Variants in CARS1 observed in about 807,000 individuals in gnomAD.
The protein encoded by CARS1 is cysteine--tRNA ligase, cytoplasmic.
In CARS1, 48 loss-of-function variants were observed where a neutral mutation model predicts 106.2. That is an observed-to-expected ratio of 0.45 (90% CI 0.36 to 0.57). The LOEUF (loss-of-function observed/expected upper bound fraction) is 0.57, where lower values mean the gene tolerates loss of function less well. Among genes scored for constraint, CARS1 ranks in the 20% least tolerant of loss-of-function variants. CARS1 has a pLI of 0.00. For missense variants in CARS1, 968 were observed against 1,057.2 expected (o/e 0.92, Z 1.17); for synonymous variants, 409 against 403.4 (o/e 1.01, Z -0.17).
rs941886463 is a variant in CARS1, at chr11:3,032,888, T to C, written c.802-3445A>G. On this transcript the variant is annotated intron_variant, in intron 7 of 22. Transcript: ENST00000380525. The stretch of plus-strand genomic sequence containing the variant: ...ACAATCCTGAGAGTGAACCCTAAAG[T>C]AAACCACGGACTCAGGGTAATGACG... Among the ~76,000 whole-genome samples the C allele has an allele frequency of 2.0e-5, 3 of 151,028 alleles. No individual in the cohort carries two copies. The Admixed American group carries it at 2.0e-4, about 10-fold the overall frequency.
Position 3,039,096 on chromosome 11 carries a change from C to T in CARS1, c.651+98G>A. On this transcript the variant is annotated intron_variant, in intron 6 of 22. Transcript: ENST00000380525. This position sits in a 1 kb window ranked among gnomAD's most constrained non-coding sequence, Gnocchi z 5.6. ...TTGAGTAACATACACTTTGTGAAAGCCTGTGAGACTGACACTACCCTAGGG... is the reference window on the plus strand; with the variant it reads ...TTGAGTAACATACACTTTGTGAAAGTCTGTGAGACTGACACTACCCTAGGG... 1 of 753,684 alleles carries T rather than the reference C, an allele frequency of 1.3e-6. No individual in the cohort carries two copies. Among genetic ancestry groups the T allele is most frequent in the Non-Finnish European group, 2.3e-6 (1 of 442,306 alleles). 46.7% of individuals were successfully genotyped at this position (753,684 alleles called of 1,614,324 possible).
In CARS1 at chr11:3,040,471, G is replaced by A. The variant is rs1483207426; in HGVS notation, c.455+425C>T. 2.2e-6 allele frequency: 1 copy of A among 463,724 alleles called. No individual in the cohort carries two copies. The highest frequency in any genetic ancestry group is 4.3e-6 in the Non-Finnish European group (1 of 233,820). 28.7% of individuals were successfully genotyped at this position (463,724 alleles called of 1,614,324 possible). A position where few individuals can be genotyped will look rare whatever the true frequency, so the allele number is the denominator to read the frequency against. On this transcript the variant is annotated intron_variant, in intron 4 of 22. Coordinates refer to ENST00000380525, the MANE Select transcript of CARS1 (RefSeq NM_001014437.3). This position sits in a 1 kb window ranked among gnomAD's most constrained non-coding sequence, Gnocchi z 5.8. The stretch of plus-strand genomic sequence containing the variant: ...ACCCCAACAGCCAGCTACTCGTCAG[G>A]AGCTACAGCCATGACCATCCAGTGG...
At position 3,017,303 on chromosome 11, in the gene CARS1, A is replaced by G. The variant is rs761457584; in HGVS notation, c.1728-8T>C. 1 of 1,609,872 alleles carries G rather than the reference A, an allele frequency of 6.2e-7. No individual in the cohort carries two copies. Among genetic ancestry groups the G allele is most frequent in the Non-Finnish European group, 8.5e-7 (1 of 1,176,408 alleles). ...GTCTTCTTGTCATAAAAGCTGAGCA[A>G]CAAAGAGGAAGGAATGTGAAGTCAG... is the stretch of plus-strand genomic sequence containing the variant. On this transcript the variant is annotated splice_polypyrimidine_tract_variant and splice_region_variant and intron_variant, in intron 15 of 22. Transcript: ENST00000380525. The surrounding 1 kb of genome is among the most constrained non-coding windows in gnomAD (Gnocchi z 4.9).
At chr11:3,025,833 G>A (rs1852011649) in intron 10 of CARS1, among the ~76,000 whole-genome samples, 2 of 152,158 alleles carry the variant, frequency 1.3e-5, no homozygotes, top group East Asian at 1.9e-4. Flanking sequence ...CCAGATGGGC[G>A]CACAGGCTGT....
chr11:3,013,262 C>T (rs745996373), intron 17 of CARS1, among the ~76,000 whole-genome samples: 2 of 152,082 alleles, frequency 1.3e-5, no homozygotes, highest in African/African-American at 2.4e-5. Context: ...AAGCGATTCT[C>T]CTGCCTCAGC....
rs1851423157 is a variant in CARS1, at chr11:3,019,997, A to C, written c.1266+223T>G. ...CTGATCACATCTCCACTTACAGACC[A>C]GAAAACAGAAATCCCAGGAGGGAAG... is the stretch of plus-strand genomic sequence containing the variant. On this transcript the variant is annotated intron_variant, in intron 11 of 22. Coordinates refer to ENST00000380525, the MANE Select transcript of CARS1 (RefSeq NM_001014437.3). This position sits in a 1 kb window ranked among gnomAD's most constrained non-coding sequence, Gnocchi z 6.2. Among the ~76,000 whole-genome samples, 1 of 152,226 alleles carries C rather than the reference A, an allele frequency of 6.6e-6. No individual in the cohort carries two copies. Among genetic ancestry groups the C allele is most frequent in the Admixed American group, 6.5e-5 (1 of 15,292 alleles).
Position 3,020,140 on chromosome 11 carries a change from G to A in CARS1, c.1266+80C>T. 2 of 858,000 alleles carry A rather than the reference G, an allele frequency of 2.3e-6. No homozygotes were observed. Among genetic ancestry groups the A allele is most frequent in the African/African-American group, 1.6e-5 (1 of 60,708 alleles). 53.1% of individuals were successfully genotyped at this position (858,000 alleles called of 1,614,324 possible). On this transcript the variant is annotated intron_variant, in intron 11 of 22. Coordinates refer to ENST00000380525, the MANE Select transcript of CARS1 (RefSeq NM_001014437.3). The surrounding 1 kb of genome is among the most constrained non-coding windows in gnomAD (Gnocchi z 4.6). ...GACAACATCCTTCACACACAGAGCGGCCCTCTGCTGGGGGCCTGAGAGTGT... is the reference window on the plus strand; with the variant it reads ...GACAACATCCTTCACACACAGAGCGACCCTCTGCTGGGGGCCTGAGAGTGT...
intron 10 of CARS1, among the ~76,000 whole-genome samples, 168 bp downstream of exon 10, chr11:3,026,508 G>A (rs575900388): frequency 6.6e-6 from 1 of 152,274 alleles, no homozygotes; most frequent in Non-Finnish European, 1.5e-5. Context: ...TCTTAGAGCT[G>A]CACAATGTTG....
intron 19 of CARS1, among the ~76,000 whole-genome samples, chr11:3,005,810 C>T (rs767342376): frequency 6.6e-6 from 1 of 152,076 alleles, no homozygotes; most frequent in Non-Finnish European, 1.5e-5. Flanking sequence ...CGGGGTTTCA[C>T]CATGTTGCCT....
rs1853921514 is a variant in CARS1, at chr11:3,038,110, C to T, written c.741G>A (p.Glu247=). The change falls in exon 7 of 23, where the codon GAG becomes GAA. Residue 247 remains glutamate, a synonymous_variant. Coordinates refer to ENST00000380525, the MANE Select transcript of CARS1 (RefSeq NM_001014437.3). This position sits in a 1 kb window ranked among gnomAD's most constrained non-coding sequence, Gnocchi z 4.0. ...RIQHAVQLAT[E]PLEKAVQSRL... ...TGGACTGCACAGCTTTCTCAAGTGG[C>T]TCTGTGGCAAGCTGCACTGCGTGCT... The T allele has an allele frequency of 1.2e-6, 2 of 1,614,082 alleles. No homozygotes were observed. The highest frequency in any genetic ancestry group is 8.5e-7 in the Non-Finnish European group (1 of 1,180,024).
Position 3,043,608 on chromosome 11 carries a change from G to C in CARS1, c.275-1352C>G, listed in dbSNP as rs928176500. On this transcript the variant is annotated intron_variant, in intron 2 of 22. Transcript: ENST00000380525. This position sits in a 1 kb window ranked among gnomAD's most constrained non-coding sequence, Gnocchi z 4.0. ...CGCCTGGCAGCTCACCAGGGTGCTCGCATCCTGCCTCCTCCTGTCCCTGGT... is the reference window on the plus strand; with the variant it reads ...CGCCTGGCAGCTCACCAGGGTGCTCCCATCCTGCCTCCTCCTGTCCCTGGT... Among the ~76,000 whole-genome samples, 1 of 151,618 alleles carries C rather than the reference G, an allele frequency of 6.6e-6. No individual in the cohort carries two copies. Among genetic ancestry groups the C allele is most frequent in the Non-Finnish European group, 1.5e-5 (1 of 67,910 alleles).
chr11:3,026,997 T>C lies in CARS1; in HGVS notation c.1032-200A>G, dbSNP rs1852153382. ...GGCCCATCCCGCTGCGGAGGCAGCC[T>C]GCCTGCCCTGGGCAGCTCGTCCCTC... On this transcript the variant is annotated intron_variant, in intron 9 of 22. Transcript: ENST00000380525. 3 of 577,650 alleles carry C rather than the reference T, an allele frequency of 5.2e-6. No individual in the cohort carries two copies. The South Asian group carries it at 7.2e-5, about 14-fold the overall frequency. The allele number at this position is 577,650 out of a possible 1,614,324, so 35.8% of individuals were successfully genotyped here.
intron 1 of CARS1, chr11:3,054,854 A>G (rs1856038843): frequency 8.6e-6 from 6 of 701,538 alleles, no homozygotes; most frequent in Non-Finnish European, 1.6e-5. Flanking sequence ...TAAACTGTAT[A>G]AAAATTAAAC....
rs1177092497 is a variant in CARS1, at chr11:3,021,976, A to C, written c.1154-1644T>G. ...ATTTTTTAAAAATACGCTTTGAAAAAATTGATAACAGAGAACACAGGACCC... is the reference window on the plus strand; with the variant it reads ...ATTTTTTAAAAATACGCTTTGAAAACATTGATAACAGAGAACACAGGACCC... On this transcript the variant is annotated intron_variant, in intron 10 of 22. Transcript: ENST00000380525. This position sits in a 1 kb window ranked among gnomAD's most constrained non-coding sequence, Gnocchi z 5.3. 1.3e-5 allele frequency among the ~76,000 whole-genome samples: 2 copies of C among 152,236 alleles called. No individual in the cohort carries two copies. Among genetic ancestry groups the C allele is most frequent in the African/African-American group, 2.4e-5 (1 of 41,458 alleles).
Position 3,020,304 on chromosome 11 carries a change from C to T in CARS1, c.1182G>A (p.Leu394=). 1.9e-6 allele frequency: 3 copies of T among 1,613,906 alleles called. No individual in the cohort carries two copies. The highest frequency in any genetic ancestry group is 2.5e-6 in the Non-Finnish European group (3 of 1,179,772). Residue 394 remains leucine (L), a synonymous_variant, in exon 11 of 23, where the codon CTG becomes CTA. Coordinates refer to ENST00000380525, the MANE Select transcript of CARS1 (RefSeq NM_001014437.3). The surrounding 1 kb of genome is among the most constrained non-coding windows in gnomAD (Gnocchi z 4.6). The part of the protein sequence containing the change: ...EGDLSISADR[L]SEKRSPNDFA... ...AGTCGTTGGGAGAGCGCTTCTCACTCAGGCGGTCTGCAGAGATGCTCAGGT... is the reference window on the plus strand; with the variant it reads ...AGTCGTTGGGAGAGCGCTTCTCACTTAGGCGGTCTGCAGAGATGCTCAGGT...
At chr11:3,047,149 C>T (rs1178273907) in intron 2 of CARS1, among the ~76,000 whole-genome samples, 3 of 151,860 alleles carry the variant, frequency 2.0e-5, no homozygotes, top group East Asian at 1.9e-4. Flanking sequence ...TGGTGGTGGG[C>T]GCCTACAGTC....
rs903473601 is a variant in CARS1, at chr11:3,053,802, AG to A, written c.25+3540del. Among the ~76,000 whole-genome samples, 5 of 152,098 alleles carry A rather than the reference AG, an allele frequency of 3.3e-5. No individual in the cohort carries two copies. The highest frequency in any genetic ancestry group is 1.2e-4 in the African/African-American group (5 of 41,394). On this transcript the variant is annotated intron_variant, in intron 1 of 22. Transcript: ENST00000380525. The surrounding 1 kb of genome is among the most constrained non-coding windows in gnomAD (Gnocchi z 6.6). ...TTACAGCAGGTCTGAGCTCCTAATA[AG>A]TGCCCCGGTTTGGTGGGGGTCTGCA...
intron 16 of CARS1, among the ~76,000 whole-genome samples, chr11:3,016,789 T>C (rs1026772140): frequency 1.3e-5 from 2 of 152,120 alleles, no homozygotes; most frequent in Non-Finnish European, 2.9e-5. Flanking sequence ...ATTTTTAATA[T>C]ATTTTATAGA....
Position 3,017,980 on chromosome 11 carries a change from A to T in CARS1, c.1630-26T>A, listed in dbSNP as rs916881895. On this transcript the variant is annotated intron_variant, in intron 14 of 22. Transcript: ENST00000380525. This position sits in a 1 kb window ranked among gnomAD's most constrained non-coding sequence, Gnocchi z 4.9. ...CTGAAGTTAGAAAAATCAGTTTAAC[A>T]GCATTTAGGCAACTTTTCCATCCTG... The T allele has an allele frequency of 2.7e-6, 4 of 1,481,980 alleles. No individual in the cohort carries two copies. The East Asian group carries it at 6.8e-5, about 25-fold the overall frequency. The allele number at this position is 1,481,980 out of a possible 1,614,324, so 91.8% of individuals were successfully genotyped here.
Sources: allele counts gnomAD v4.1 joint callset (sites outside exome capture counted in the v4.1 genomes callset), GRCh38; gene constraint gnomAD v4.1.1; non-coding constraint Gnocchi (gnomAD v3.1); transcripts MANE v1.5; gene names NCBI Gene and HGNC (gene_info 2026-07-23, HGNC 2026-07-21).